The following CFAP99 variants were observed in gnomAD, a reference collection of about 807,000 sequenced individuals.
The protein encoded by CFAP99 is cilia and flagella associated protein 99.
A neutral mutation model predicts 82.7 loss-of-function variants in CFAP99; 84 were observed. The observed-to-expected ratio is 1.02, with a 90% confidence interval of 0.85 to 1.22. The LOEUF (loss-of-function observed/expected upper bound fraction) is 1.22. Among genes scored for constraint, CFAP99 ranks in the 50% most tolerant of loss-of-function variants. CFAP99 has a pLI of 0.00. For missense variants in CFAP99, 1,059 were observed against 983.5 expected, an observed-to-expected ratio of 1.08 and a Z score of -1.03; for synonymous variants, 456 against 429.5, an observed-to-expected ratio of 1.06 and a Z score of -0.76.
At chr4:2,452,416 G>T in intron 11 of CFAP99, 70 bp downstream of exon 11, 2 of 1,478,412 alleles carry the variant, frequency 1.4e-6, no homozygotes, top group South Asian at 2.4e-5. Flanking sequence ...GAGCTGCAGG[G>T]CCAGGGCTGG....
At position 2,460,189 on chromosome 4, in the gene CFAP99, G is replaced by T. The variant is rs771425949; in HGVS notation, c.1608G>T (p.Met536Ile). 1.1e-5 allele frequency: 17 copies of T among 1,536,144 alleles called. No individual in the cohort carries two copies. The highest frequency in any genetic ancestry group is 1.5e-5 in the Non-Finnish European group (17 of 1,146,902). Reference sequence around the variant, plus strand: ...CCAAGAGCCAGGAACTGCAGAACATGGTGGAGCAGATCTCGCTGTGCCGTG... The same window carrying T: ...CCAAGAGCCAGGAACTGCAGAACATTGTGGAGCAGATCTCGCTGTGCCGTG... Residue 536 changes from methionine to isoleucine, a missense_variant, in exon 14 of 15, where the codon ATG (methionine) becomes ATT (isoleucine). Met to Ile is a conservative substitution (Grantham distance 10). Transcript: ENST00000635017.
At chr4:2,424,965 G>A (rs1733655247) in intron 1 of CFAP99, among the ~76,000 whole-genome samples, 1 of 152,148 alleles carries the variant, frequency 6.6e-6, no homozygotes, top group South Asian at 2.1e-4. Context: ...CTGTTAATTG[G>A]GGTTTGGACC....
exon 14 of CFAP99, chr4:2,460,156 C>G: frequency 6.5e-7 from 1 of 1,536,106 alleles, no homozygotes; most frequent in Non-Finnish European, 8.7e-7. Context: ...TCATTCAGGG[C>G]AAGCACACCA....
At chr4:2,432,403 T>C (rs890729541) in intron 2 of CFAP99, among the ~76,000 whole-genome samples, 11 of 152,252 alleles carry the variant, frequency 7.2e-5, no homozygotes, top group Non-Finnish European at 1.2e-4. Context: ...CATATTACCA[T>C]GCCCAACAGG....
In CFAP99 at chr4:2,452,468, G is replaced by A. The variant is rs141784348; in HGVS notation, c.1161+122G>A. On this transcript the variant is annotated intron_variant, in intron 11 of 14. Coordinates refer to ENST00000635017, the Ensembl canonical transcript of CFAP99. ...CCACAGCGCCCCCGTAGAAGCTACT[G>A]ATGTGTTGGTCCTGGCTCCTCTTCC... The A allele has an allele frequency of 2.4e-5, 25 of 1,040,876 alleles. No individual in the cohort carries two copies. The East Asian group carries it at 6.0e-4, about 25-fold the overall frequency. The allele number at this position is 1,040,876 out of a possible 1,614,324, so 64.5% of individuals were successfully genotyped here. A position where few individuals can be genotyped will look rare whatever the true frequency, so the allele number is the denominator to read the frequency against.
At chr4:2,421,652 T>C (rs1234704298) in intron 1 of CFAP99, among the ~76,000 whole-genome samples, 1 of 152,126 alleles carries the variant, frequency 6.6e-6, no homozygotes, top group Admixed American at 6.6e-5. Flanking sequence ...CCCAGCCTAG[T>C]CCAGCCCACC....
chr4:2,440,874 G>A (rs914887704), intron 4 of CFAP99, among the ~76,000 whole-genome samples: 9 of 152,116 alleles, frequency 5.9e-5, no homozygotes, highest in African/African-American at 1.7e-4. Flanking sequence ...GATTACAGGC[G>A]TCAGCCACCG....
At position 2,462,781 on chromosome 4, in the gene CFAP99, C is replaced by A; in HGVS notation, c.2000C>A (p.Ala667Asp). The A allele has an allele frequency of 7.8e-7, 1 of 1,276,292 alleles. No homozygotes were observed. Among genetic ancestry groups the A allele is most frequent in the Non-Finnish European group, 9.9e-7 (1 of 1,013,084 alleles). The allele number at this position is 1,276,292 out of a possible 1,614,324, so 79.1% of individuals were successfully genotyped here. A position where few individuals can be genotyped will look rare whatever the true frequency, so the allele number is the denominator to read the frequency against. Residue 667 changes from alanine (A) to aspartate (D), a missense_variant, in exon 15 of 15, where the codon GCC becomes GAC. Physicochemically the swap from Ala to Asp is moderately radical, Grantham distance 126. Coordinates refer to ENST00000635017, the Ensembl canonical transcript of CFAP99. This position sits in a 1 kb window ranked among gnomAD's most constrained non-coding sequence, Gnocchi z 4.1. ...GCGGGAGGCGGTGGGGGCGTCCCTG[C>A]CCGCGCCGACGCGTTCCCCGGCCTG...
chr4:2,423,251 C>T (rs760733618), intron 1 of CFAP99, among the ~76,000 whole-genome samples: 3 of 152,246 alleles, frequency 2.0e-5, no homozygotes, highest in Admixed American at 2.0e-4. Context: ...CCAGGGTTGG[C>T]CACCACGCCC....
intron 5 of CFAP99, 100 bp downstream of exon 5, chr4:2,443,342 C>G: frequency 1.4e-6 from 1 of 728,134 alleles, no homozygotes; most frequent in Non-Finnish European, 2.4e-6. Context: ...TTCCTGCTCC[C>G]AGAAGCTCTA....
intron 4 of CFAP99, among the ~76,000 whole-genome samples, chr4:2,440,303 C>T (rs1189961476): frequency 9.4e-5 from 14 of 148,710 alleles, no homozygotes; most frequent in South Asian, 2.2e-4. Context: ...CCCGCCACTA[C>T]GCCCGGCTAA....
chr4:2,459,936 G>C, intron 13 of CFAP99, 101 bp from the exon 14 acceptor site: 4 of 1,040,584 alleles, frequency 3.8e-6, no homozygotes, highest in Non-Finnish European at 5.7e-6. Flanking sequence ...CAGAGGGAAG[G>C]TGGGCAAGGG....
exon 13 of CFAP99, chr4:2,459,115 G>T: frequency 6.6e-7 from 1 of 1,516,868 alleles, no homozygotes; most frequent in Non-Finnish European, 8.8e-7. Flanking sequence ...AGTTCAGGAG[G>T]CGATCGAGGA....
At chr4:2,421,595 C>T (rs191746467) in intron 1 of CFAP99, among the ~76,000 whole-genome samples, 21 of 152,174 alleles carry the variant, frequency 1.4e-4, no homozygotes, top group Admixed American at 1.0e-3. Flanking sequence ...GTGATCTGCC[C>T]GCCTTGGCTT....
intron 4 of CFAP99, among the ~76,000 whole-genome samples, chr4:2,442,515 G>T (rs1734067085): frequency 6.6e-6 from 1 of 152,072 alleles, no homozygotes; most frequent in Admixed American, 6.5e-5. Flanking sequence ...GCACACAGAA[G>T]CCGCCATCCT....
intron 8 of CFAP99, chr4:2,450,269 C>G (rs1578478621): frequency 1.9e-6 from 1 of 534,036 alleles, no homozygotes; most frequent in East Asian, 3.1e-5. Flanking sequence ...CTCTGGGTAT[C>G]TCCAGATGTT....
chr4:2,462,664 G>A lies in CFAP99; in HGVS notation c.1883G>A (p.Trp628Ter). The change falls in exon 15 of 15, where the codon TGG becomes TAG. Residue 628 changes from tryptophan (W) to a stop codon, truncating the protein, a stop_gained. Coordinates refer to ENST00000635017, the Ensembl canonical transcript of CFAP99. LOFTEE classifies it low-confidence loss of function (END_TRUNC). This position sits in a 1 kb window ranked among gnomAD's most constrained non-coding sequence, Gnocchi z 4.1. ...CTGAAAGCCGGGGCCGGGTGGGGAT[G>A]GCGGGCGCGGCGCGCAGGGACCGGC... The A allele has an allele frequency of 7.9e-7, 1 of 1,268,518 alleles. No individual in the cohort carries two copies. Among genetic ancestry groups the A allele is most frequent in the Non-Finnish European group, 9.9e-7 (1 of 1,009,424 alleles). The allele number at this position is 1,268,518 out of a possible 1,614,324, so 78.6% of individuals were successfully genotyped here. A position where few individuals can be genotyped will look rare whatever the true frequency, so the allele number is the denominator to read the frequency against.
exon 13 of CFAP99, chr4:2,459,134 G>GGCT: frequency 6.5e-7 from 1 of 1,532,232 alleles, no homozygotes; most frequent in Non-Finnish European, 8.7e-7. Flanking sequence ...GAGAGCAGGG[G>GGCT]GCTGCTGCAG....
At chr4:2,449,190 A>T (rs1734243745) in intron 6 of CFAP99, among the ~76,000 whole-genome samples, 1 of 151,852 alleles carries the variant, frequency 6.6e-6, no homozygotes, top group South Asian at 2.1e-4. Flanking sequence ...GCCTCCTGTG[A>T]CTGGACTCGG....
Sources: gnomAD v4.1 joint callset for allele counts (sites outside exome capture counted in the v4.1 genomes callset) on GRCh38, gnomAD v4.1.1 for gene constraint, Gnocchi (gnomAD v3.1) non-coding constraint, MANE v1.5 for transcripts, NCBI Gene and HGNC (gene_info 2026-07-23, HGNC 2026-07-21) for gene names.